The following PLCH1 variants were observed in gnomAD, a reference collection of about 807,000 sequenced individuals.
PLCH1 encodes phospholipase C eta 1.
PLCH1 carries 60 observed loss-of-function variants against 126.7 expected under a neutral mutation model. The observed-to-expected ratio is 0.47, with a 90% CI of 0.38 to 0.59. The LOEUF is 0.59. Ranked by LOEUF, PLCH1 falls within the 20% of genes least tolerant of loss-of-function variation. The pLI is 0.00. For missense variants in PLCH1, 1,723 were observed against 2,040.0 expected, an observed-to-expected ratio of 0.84 and a Z score of 2.99; for synonymous variants, 719 against 734.9, an observed-to-expected ratio of 0.98 and a Z score of 0.35.
At chr3:155,572,440 G>GTTTT (rs1729343790) in intron 6 of PLCH1, among the ~76,000 whole-genome samples, 1 of 152,084 alleles carries the variant, frequency 6.6e-6, no homozygotes, top group Non-Finnish European at 1.5e-5. Flanking sequence ...GTTTAGTTTA[G>GTTTT]TTTTCTCTTT....
At chr3:155,488,206 T>C (rs2108055739) in intron 20 of PLCH1, 99 bp from the exon 21 acceptor site, 1 of 701,900 alleles carries the variant, frequency 1.4e-6, no homozygotes, top group Non-Finnish European at 2.5e-6. Flanking sequence ...CTGTAGTTCT[T>C]TTTTTTTTTG....
rs1252097058 is a variant in PLCH1, at chr3:155,492,719, G to A, written c.2307+10C>T. On this transcript the variant is annotated intron_variant, in intron 18 of 22. Transcript: ENST00000460012. ...TTAACCACTTAGACACGTAGTCATAGGCAACTTACCTCGCCTCGATCTCCA... is the reference window on the plus strand; with the variant it reads ...TTAACCACTTAGACACGTAGTCATAAGCAACTTACCTCGCCTCGATCTCCA... 16 of 1,556,398 alleles carry A rather than the reference G, an allele frequency of 1.0e-5. No individual in the cohort carries two copies. Among genetic ancestry groups the A allele is most frequent in the Non-Finnish European group, 1.4e-5 (16 of 1,155,256 alleles).
chr3:155,483,737 C>T (rs1714553258), intron 22 of PLCH1, among the ~76,000 whole-genome samples: 1 of 152,002 alleles, frequency 6.6e-6, no homozygotes, highest in Non-Finnish European at 1.5e-5. Context: ...TTGCATCCTT[C>T]CCTAAAAGTG....
intron 1 of PLCH1, among the ~76,000 whole-genome samples, chr3:155,723,780 C>A (rs7638454): frequency 2.6e-5 from 4 of 151,670 alleles, no homozygotes; most frequent in Non-Finnish European, 5.9e-5. Flanking sequence ...ATGGTGAAAC[C>A]CTGGCTCTAC....
chr3:155,484,005 A>G (rs927292195), intron 22 of PLCH1, among the ~76,000 whole-genome samples: 6 of 152,188 alleles, frequency 3.9e-5, no homozygotes, highest in African/African-American at 1.4e-4. Context: ...TAAAGAAAAA[A>G]TTAAATACCA....
chr3:155,601,048 C>T (rs1733663029), intron 2 of PLCH1, among the ~76,000 whole-genome samples: 1 of 152,162 alleles, frequency 6.6e-6, no homozygotes, highest in African/African-American at 2.4e-5. Context: ...GATCTCGGCT[C>T]ACTGCAAGCT....
At chr3:155,721,850 C>T (rs1747967574) in intron 1 of PLCH1, among the ~76,000 whole-genome samples, 1 of 152,100 alleles carries the variant, frequency 6.6e-6, no homozygotes, top group Admixed American at 6.5e-5. Flanking sequence ...GAGTTCAAGA[C>T]CAGCCTGGCC....
At chr3:155,718,649 G>C (rs1747703688) in intron 1 of PLCH1, among the ~76,000 whole-genome samples, 1 of 152,132 alleles carries the variant, frequency 6.6e-6, no homozygotes, top group South Asian at 2.1e-4. Flanking sequence ...GAGGGTGAGT[G>C]CGGGGGGGAG....
At chr3:155,688,417 G>C (rs1745115654) in intron 2 of PLCH1, among the ~76,000 whole-genome samples, 1 of 152,178 alleles carries the variant, frequency 6.6e-6, no homozygotes, top group Non-Finnish European at 1.5e-5. Flanking sequence ...CAGAATACTG[G>C]CTTTTAGAAT....
intron 2 of PLCH1, among the ~76,000 whole-genome samples, chr3:155,653,015 T>C (rs1173965417): frequency 6.6e-6 from 1 of 152,160 alleles, no homozygotes; most frequent in East Asian, 1.9e-4. Context: ...AAATCTCCAC[T>C]TCCAGATTTC....
intron 21 of PLCH1, among the ~76,000 whole-genome samples, chr3:155,469,314 T>G (rs1713065987): frequency 6.6e-6 from 1 of 152,110 alleles, no homozygotes; most frequent in Admixed American, 6.5e-5. Context: ...AAAGGGGTGA[T>G]GGACACACCT....
intron 6 of PLCH1, among the ~76,000 whole-genome samples, chr3:155,580,080 AT>A (rs1449352458): frequency 6.6e-6 from 1 of 152,242 alleles, no homozygotes; most frequent in East Asian, 1.9e-4. Context: ...AAAAATGTTA[AT>A]CAAACCAACA....
intron 22 of PLCH1, 55 bp downstream of exon 22, chr3:155,485,299 AGG>A (rs1714869531): frequency 7.5e-6 from 8 of 1,066,542 alleles, no homozygotes; most frequent in African/African-American, 1.6e-5. Flanking sequence ...AATGGTAAAC[AGG>A]GACTGACATG....
intron 10 of PLCH1, among the ~76,000 whole-genome samples, chr3:155,546,099 TC>T (rs1374718678): frequency 6.6e-6 from 1 of 152,118 alleles, no homozygotes; most frequent in Non-Finnish European, 1.5e-5. Context: ...AGTCAAATGG[TC>T]CCTGTTTGCA....
At chr3:155,689,456 G>A (rs886665456) in intron 2 of PLCH1, among the ~76,000 whole-genome samples, 2 of 151,980 alleles carry the variant, frequency 1.3e-5, no homozygotes, top group African/African-American at 4.8e-5. Context: ...GACCAATTCT[G>A]GAGAAACAGA....
rs138466693 is a variant in PLCH1 at position 155,695,094 on chromosome 3, A to C, written c.79+9052T>G. On this transcript the variant is annotated intron_variant, in intron 2 of 22. Transcript: ENST00000460012. Reference sequence around the variant, plus strand: ...TAATAGTATGCAAACAACTGCAATTAAACAGCTTTACTAATAGTGCTATTT... The same window carrying C: ...TAATAGTATGCAAACAACTGCAATTCAACAGCTTTACTAATAGTGCTATTT... Among the ~76,000 whole-genome samples, 12 of 152,216 alleles carry C rather than the reference A, an allele frequency of 7.9e-5. No individual in the cohort carries two copies. In the East Asian group the frequency reaches 2.3e-3, roughly 29 times the overall value.
intron 11 of PLCH1, among the ~76,000 whole-genome samples, chr3:155,523,037 C>G (rs528642485): frequency 2.6e-5 from 4 of 151,916 alleles, no homozygotes; most frequent in Non-Finnish European, 4.4e-5. Flanking sequence ...TTCAGTGGCG[C>G]GATCTCGGCT....
chr3:155,465,375 C>T (rs1489202126), intron 21 of PLCH1, among the ~76,000 whole-genome samples: 2 of 151,984 alleles, frequency 1.3e-5, no homozygotes, highest in Non-Finnish European at 2.9e-5. Context: ...CTAGACATAC[C>T]CTGGGCTAGA....
chr3:155,739,497 T>G (rs940773595), intron 1 of PLCH1, among the ~76,000 whole-genome samples: 1 of 152,050 alleles, frequency 6.6e-6, no homozygotes, highest in South Asian at 2.1e-4. Context: ...TCGTGAATGT[T>G]TTCTGGAACC....
Sources: gnomAD v4.1 joint callset for allele counts (sites outside exome capture counted in the v4.1 genomes callset) on GRCh38, gnomAD v4.1.1 for gene constraint, MANE v1.5 for transcripts, NCBI Gene and HGNC (gene_info 2026-07-23, HGNC 2026-07-21) for gene names.